FOXJ3: variants seen among roughly 807,000 people sequenced by gnomAD.
FOXJ3 encodes the protein forkhead box protein J3.
FOXJ3 carries 22 observed loss-of-function variants against 76.1 expected under a neutral mutation model. The ratio of observed to expected loss-of-function variants is 0.29; its 90% CI spans 0.21 to 0.41. The LOEUF (loss-of-function observed/expected upper bound fraction) is 0.41, where lower values mean the gene tolerates loss of function less well. FOXJ3 is among the 10% of genes least tolerant of loss of function. The probability of loss-of-function intolerance (pLI) is 1.00; values close to 1 mark genes in which losing one functional copy is unlikely to be tolerated. For missense variants in FOXJ3, 613 were observed against 762.1 expected, an observed-to-expected ratio of 0.80 and a Z score of 2.30; for synonymous variants, 269 against 261.2, an observed-to-expected ratio of 1.03 and a Z score of -0.29.
At chr1:42,193,802 A>G (rs987803597) in intron 8 of FOXJ3, among the ~76,000 whole-genome samples, 1 of 152,200 alleles carries the variant, frequency 6.6e-6, no homozygotes, top group Non-Finnish European at 1.5e-5. Flanking sequence ...GTGTCCCTCC[A>G]AAATTCGTAT....
At chr1:42,215,355 C>G (rs571158231) in intron 5 of FOXJ3, among the ~76,000 whole-genome samples, 40 of 151,248 alleles carry the variant, frequency 2.6e-4, no homozygotes, top group African/African-American at 9.7e-4. Flanking sequence ...CAATGGATGG[C>G]CTTAATATTG....
chr1:42,256,529 ACTTCACAC>A (rs113103243), intron 4 of FOXJ3, among the ~76,000 whole-genome samples: 110,474 of 151,122 alleles, frequency 0.73, 40,557 homozygotes, highest in Admixed American at 0.81. Flanking sequence ...ATGAAATACC[ACTTCACAC>A]CTTCACACCC....
intron 5 of FOXJ3, among the ~76,000 whole-genome samples, chr1:42,211,620 T>C (rs573314255): frequency 6.6e-6 from 1 of 151,904 alleles, no homozygotes; most frequent in South Asian, 2.1e-4. Context: ...TTCAACTCAG[T>C]GAATAAAGTA....
chr1:42,324,125 A>AGTGTATATACAGTATATATACACT (rs1655646806), intron 1 of FOXJ3, among the ~76,000 whole-genome samples: 3 of 52,952 alleles, frequency 5.7e-5, no homozygotes, highest in African/African-American at 1.8e-4. Flanking sequence ...GTATATACAC[A>AGTGTATATACAGTATATATACACT]GTGTATATAC....
At chr1:42,227,617 TAA>T (rs1647677009) in intron 5 of FOXJ3, among the ~76,000 whole-genome samples, 1 of 152,112 alleles carries the variant, frequency 6.6e-6, no homozygotes, top group Non-Finnish European at 1.5e-5. Context: ...AATACCAAAT[TAA>T]AACTCAAGAG....
At chr1:42,284,383 T>C (rs1398875524) in intron 2 of FOXJ3, among the ~76,000 whole-genome samples, 1 of 152,210 alleles carries the variant, frequency 6.6e-6, no homozygotes, top group African/African-American at 2.4e-5. Flanking sequence ...ATTTAGAATG[T>C]TGGCATGTGT....
intron 4 of FOXJ3, among the ~76,000 whole-genome samples, chr1:42,241,401 G>T (rs566631244): frequency 6.6e-6 from 1 of 152,106 alleles, no homozygotes; most frequent in African/African-American, 2.4e-5. Flanking sequence ...AAGTGCCTGG[G>T]GATCACCCCC....
intron 5 of FOXJ3, among the ~76,000 whole-genome samples, chr1:42,215,137 G>C (rs1366918045): frequency 2.0e-5 from 3 of 152,118 alleles, no homozygotes; most frequent in African/African-American, 7.2e-5. Context: ...ATTCTTGGCA[G>C]AAAGGGAAAT....
At chr1:42,231,714 CG>C (rs1569968992) in intron 4 of FOXJ3, among the ~76,000 whole-genome samples, 1 of 152,032 alleles carries the variant, frequency 6.6e-6, no homozygotes, top group East Asian at 1.9e-4. Flanking sequence ...ACGACCATGG[CG>C]TAATGCAGCC....
chr1:42,299,197 G>T (rs940041595), intron 2 of FOXJ3, among the ~76,000 whole-genome samples: 5 of 152,212 alleles, frequency 3.3e-5, no homozygotes, highest in Non-Finnish European at 1.5e-5. Flanking sequence ...TCTGAATAGT[G>T]ATGTCAGTGA....
intron 1 of FOXJ3, among the ~76,000 whole-genome samples, chr1:42,327,564 A>C (rs1453751189): frequency 6.6e-6 from 1 of 152,198 alleles, no homozygotes; most frequent in Non-Finnish European, 1.5e-5. Context: ...AGCAAACAAA[A>C]TTTGCAACAG....
At chr1:42,300,155 G>A (rs557440340) in intron 2 of FOXJ3, among the ~76,000 whole-genome samples, 7 of 152,068 alleles carry the variant, frequency 4.6e-5, no homozygotes, top group African/African-American at 7.2e-5. Context: ...AGCCGAGATC[G>A]TGCCACTACA....
chr1:42,234,492 C>A (rs1248254092), intron 4 of FOXJ3, among the ~76,000 whole-genome samples: 2 of 152,112 alleles, frequency 1.3e-5, no homozygotes, highest in Admixed American at 1.3e-4. Context: ...TTTAGAGTTT[C>A]CAGTTTTTCT....
chr1:42,316,333 C>CGTTTTTTTTTTTTTTT (rs1322633444), intron 1 of FOXJ3, among the ~76,000 whole-genome samples: 5 of 73,916 alleles, frequency 6.8e-5, no homozygotes, highest in African/African-American at 2.2e-4. Flanking sequence ...TGCATTGGGC[C>CGTTTTTTTTTTTTTTT]TTTTTTTTTT....
intron 11 of FOXJ3, among the ~76,000 whole-genome samples, chr1:42,182,292 T>C (rs1390923530): frequency 6.6e-6 from 1 of 152,218 alleles, no homozygotes; most frequent in Admixed American, 6.5e-5. Flanking sequence ...CTATTATTGT[T>C]GCTATCACAT....
intron 9 of FOXJ3, among the ~76,000 whole-genome samples, chr1:42,190,088 T>C (rs1646512889): frequency 6.6e-6 from 1 of 152,238 alleles, no homozygotes; most frequent in Non-Finnish European, 1.5e-5. Flanking sequence ...TGGTATCCTC[T>C]GGTATGACAT....
chr1:42,182,562 A>G (rs546098364), intron 11 of FOXJ3, among the ~76,000 whole-genome samples: 4 of 152,296 alleles, frequency 2.6e-5, no homozygotes, highest in Middle Eastern at 6.8e-3. Context: ...CAGTGGCGCA[A>G]TCTCGGCTCA....
At position 42,182,016 on chromosome 1, in the gene FOXJ3, A is replaced by G. The variant is rs1455031856; in HGVS notation, c.1654T>C (p.Tyr552His). The G allele has an allele frequency of 1.9e-6, 3 of 1,600,460 alleles. No homozygotes were observed. Among genetic ancestry groups the G allele is most frequent in the Non-Finnish European group, 2.6e-6 (3 of 1,169,208 alleles). ...GGGAGATTTTGCCTAGAATCTATGT[A>G]CAAATTTCCTAATCAGATTAAAAGC... is the stretch of plus-strand genomic sequence containing the variant. ...PSQHIGTGNLYIDSRQNLPPS... is the reference protein window; with the variant it reads ...PSQHIGTGNLHIDSRQNLPPS... The change falls in exon 12 of 13, where the codon TAC becomes CAC. Residue 552 changes from tyrosine to histidine, a missense_variant. Physicochemically the swap from Tyr to His is moderately conservative, Grantham distance 83. Coordinates refer to ENST00000361346, the MANE Select transcript of FOXJ3 (RefSeq NM_014947.5).
At chr1:42,193,306 C>T (rs919481019) in intron 8 of FOXJ3, among the ~76,000 whole-genome samples, 1 of 151,368 alleles carries the variant, frequency 6.6e-6, no homozygotes, top group Admixed American at 6.6e-5. Flanking sequence ...CTTTATTGTA[C>T]AAATGGGGAT....
Sources: allele counts gnomAD v4.1 joint callset (sites outside exome capture counted in the v4.1 genomes callset), GRCh38; gene constraint gnomAD v4.1.1; transcripts MANE v1.5; gene names NCBI Gene and HGNC (gene_info 2026-07-23, HGNC 2026-07-21).